The following E2F3 variants were observed in gnomAD, a reference collection of about 807,000 sequenced individuals.
The protein encoded by E2F3 is E2F transcription factor 3.
Under a neutral mutation model 44.4 loss-of-function variants are expected in E2F3, and 11 were observed. That is an observed-to-expected ratio of 0.25 (90% CI 0.16 to 0.41). The LOEUF (loss-of-function observed/expected upper bound fraction) is 0.41, where lower values mean the gene tolerates loss of function less well. E2F3 is among the 10% of genes least tolerant of loss of function. The pLI is 1.00. For missense variants in E2F3, 487 were observed against 583.6 expected (o/e 0.83, Z 1.70); for synonymous variants, 249 against 253.0 (o/e 0.98, Z 0.15).
chr6:20,412,726 G>A (rs1356830583), intron 1 of E2F3, among the ~76,000 whole-genome samples: 1 of 152,146 alleles, frequency 6.6e-6, no homozygotes, highest in Non-Finnish European at 1.5e-5. Context: ...CAGAGGGGAT[G>A]GCAGGCCTTG....
intron 1 of E2F3, among the ~76,000 whole-genome samples, chr6:20,468,928 C>T (rs1761802662): frequency 1.3e-5 from 2 of 152,166 alleles, no homozygotes; most frequent in Admixed American, 6.5e-5. Context: ...TGAAGGAAAA[C>T]TGCAGAATGA....
chr6:20,484,735 C>T lies in E2F3; in HGVS notation c.884+1815C>T, dbSNP rs550199518. On this transcript the variant is annotated intron_variant, in intron 4 of 6. Transcript: ENST00000346618. ...ATCCCCTACATGTGTATGCAGATTTCGTGTGAATGTGCTTTCTTTCTGGAG... is the reference window on the plus strand; with the variant it reads ...ATCCCCTACATGTGTATGCAGATTTTGTGTGAATGTGCTTTCTTTCTGGAG... Among the ~76,000 whole-genome samples, 11 of 152,286 alleles carry T rather than the reference C, an allele frequency of 7.2e-5. No homozygotes were observed. The South Asian group carries it at 2.1e-3, about 29-fold the overall frequency.
At chr6:20,478,354 T>A (rs1034233536) in intron 1 of E2F3, among the ~76,000 whole-genome samples, 6 of 152,244 alleles carry the variant, frequency 3.9e-5, no homozygotes, top group Admixed American at 3.9e-4. Flanking sequence ...AGTGTGTATT[T>A]TACAATTATA....
chr6:20,483,562 A>G (rs1762300185), intron 4 of E2F3, among the ~76,000 whole-genome samples: 1 of 152,196 alleles, frequency 6.6e-6, no homozygotes, highest in Admixed American at 6.5e-5. Flanking sequence ...CACTACAAAC[A>G]TTAGTCCTCG....
chr6:20,481,514 C>T (rs1674262501), intron 3 of E2F3, 89 bp downstream of exon 3: 2 of 1,139,958 alleles, frequency 1.8e-6, no homozygotes, highest in South Asian at 1.4e-5. Context: ...CATCCACGCC[C>T]ACACGTTCTT....
chr6:20,483,514 C>A (rs889139147), intron 4 of E2F3, among the ~76,000 whole-genome samples: 1 of 152,160 alleles, frequency 6.6e-6, no homozygotes, highest in African/African-American at 2.4e-5. Flanking sequence ...TTCAAAAGCA[C>A]CCCAAGACCT....
intron 1 of E2F3, among the ~76,000 whole-genome samples, chr6:20,444,589 G>A (rs912709566): frequency 1.3e-5 from 2 of 152,010 alleles, no homozygotes; most frequent in African/African-American, 4.8e-5. Flanking sequence ...CATTGTGTCT[G>A]CCTGCCTTGT....
intron 1 of E2F3, among the ~76,000 whole-genome samples, chr6:20,459,420 A>G (rs944580852): frequency 1.3e-5 from 2 of 152,250 alleles, no homozygotes; most frequent in East Asian, 3.8e-4. Context: ...TTATATCATT[A>G]GATGAAGAGC....
chr6:20,458,453 C>T (rs1761387784), intron 1 of E2F3, among the ~76,000 whole-genome samples: 1 of 152,186 alleles, frequency 6.6e-6, no homozygotes, highest in South Asian at 2.1e-4. Flanking sequence ...CTCTCTGCAC[C>T]TCCCTCCCAG....
chr6:20,408,226 T>G (rs1220677414), intron 1 of E2F3, among the ~76,000 whole-genome samples: 1 of 152,226 alleles, frequency 6.6e-6, no homozygotes, highest in Non-Finnish European at 1.5e-5. Flanking sequence ...ACCCTCTCTT[T>G]GGCTTCAGAA....
At chr6:20,460,996 C>CAAAAAAAAA (rs61306918) in intron 1 of E2F3, among the ~76,000 whole-genome samples, 1 of 55,488 alleles carries the variant, frequency 1.8e-5, no homozygotes, top group Non-Finnish European at 3.0e-5. Flanking sequence ...ACTCTATCTC[C>CAAAAAAAAA]AAAAAAAAAA....
At chr6:20,432,348 G>T (rs1317300041) in intron 1 of E2F3, among the ~76,000 whole-genome samples, 1 of 152,180 alleles carries the variant, frequency 6.6e-6, no homozygotes, top group African/African-American at 2.4e-5. Context: ...TAACTGCGCA[G>T]CCTGTGTCTT....
chr6:20,422,812 C>T (rs1427111925), intron 1 of E2F3, among the ~76,000 whole-genome samples: 1 of 152,178 alleles, frequency 6.6e-6, no homozygotes, highest in Non-Finnish European at 1.5e-5. Flanking sequence ...TATTTAGTGA[C>T]ATTAGTAATT....
chr6:20,436,061 A>G (rs1760565588), intron 1 of E2F3, among the ~76,000 whole-genome samples: 1 of 149,162 alleles, frequency 6.7e-6, no homozygotes, highest in African/African-American at 2.5e-5. Flanking sequence ...GCTCACTGCA[A>G]CCTCCGCCTC....
chr6:20,411,188 A>G (rs1452166496), intron 1 of E2F3, among the ~76,000 whole-genome samples: 1 of 152,238 alleles, frequency 6.6e-6, no homozygotes, highest in Admixed American at 6.5e-5. Flanking sequence ...TAATAAAGTG[A>G]CACTACTAGC....
chr6:20,423,934 A>G (rs377678716), intron 1 of E2F3, among the ~76,000 whole-genome samples: 13 of 151,130 alleles, frequency 8.6e-5, no homozygotes, highest in African/African-American at 3.2e-4. Flanking sequence ...ATGCCCGGCT[A>G]ATTTTTTGTA....
At chr6:20,447,876 A>G (rs1286873667) in intron 1 of E2F3, among the ~76,000 whole-genome samples, 2 of 152,196 alleles carry the variant, frequency 1.3e-5, no homozygotes, top group East Asian at 3.9e-4. Flanking sequence ...GACTTCAGGT[A>G]CCACTACCTC....
At chr6:20,427,684 C>T (rs1421040851) in intron 1 of E2F3, among the ~76,000 whole-genome samples, 1 of 152,136 alleles carries the variant, frequency 6.6e-6, no homozygotes, top group Non-Finnish European at 1.5e-5. Flanking sequence ...ATTTGGACTA[C>T]CATTTGAGGT....
At chr6:20,462,857 CTCTTTT>C (rs1761563417) in intron 1 of E2F3, among the ~76,000 whole-genome samples, 2 of 107,514 alleles carry the variant, frequency 1.9e-5, no homozygotes, top group Non-Finnish European at 3.6e-5. Context: ...TTCTCTCTCT[CTCTTTT>C]TTTTTTTTTT....
Sources: allele counts gnomAD v4.1 joint callset (sites outside exome capture counted in the v4.1 genomes callset), GRCh38; gene constraint gnomAD v4.1.1; transcripts MANE v1.5; gene names NCBI Gene and HGNC (gene_info 2026-07-23, HGNC 2026-07-21).